ITIH5: variants seen among roughly 807,000 people sequenced by gnomAD.
ITIH5 encodes the protein inter-alpha-trypsin inhibitor heavy chain H5.
ITIH5 carries 65 observed loss-of-function variants against 77.5 expected under a neutral mutation model. That is an observed-to-expected ratio of 0.84 (90% CI 0.69 to 1.03). ITIH5 has a LOEUF of 1.03. ITIH5 is among the 50% of genes least tolerant of loss of function. The pLI is 0.00. For synonymous variants in ITIH5, 525 were observed against 494.3 expected, an observed-to-expected ratio of 1.06 and a Z score of -0.82; for missense variants, 1,208 against 1,213.1, an observed-to-expected ratio of 1.00 and a Z score of 0.06.
chr10:7,594,498 G>A (rs769368762), intron 7 of ITIH5, among the ~76,000 whole-genome samples: 24 of 152,166 alleles, frequency 1.6e-4, no homozygotes, highest in Non-Finnish European at 2.8e-4. Context: ...ATGACCACAG[G>A]GGGCTGTGGA....
chr10:7,585,916 T>A lies in ITIH5; in HGVS notation c.1093A>T (p.Met365Leu), dbSNP rs747039052. 6.2e-7 allele frequency: 1 copy of A among 1,611,548 alleles called. No individual in the cohort carries two copies. Among genetic ancestry groups the A allele is most frequent in the East Asian group, 2.2e-5 (1 of 44,758 alleles). The change falls in exon 8 of 14, where the codon ATG becomes TTG. Residue 365 changes from methionine to leucine, a missense_variant. Physicochemically the swap from Met to Leu is conservative, Grantham distance 15. Transcript: ENST00000397146. ...IRDGKVYIHH[M>L]SPTGGTDING... Reference sequence around the variant, plus strand: ...TCATCTTTACCTCCAGTGGGTGACATATGGTGAATGTACACTTTCCCATCC... The same window carrying A: ...TCATCTTTACCTCCAGTGGGTGACAAATGGTGAATGTACACTTTCCCATCC...
chr10:7,641,894 G>T (rs1420103649), intron 3 of ITIH5, 33 bp downstream of exon 3: 24 of 1,610,546 alleles, frequency 1.5e-5, no homozygotes, highest in Non-Finnish European at 2.0e-5. Flanking sequence ...ACCCTAGGCA[G>T]AAATCTTCAT....
intron 5 of ITIH5, chr10:7,618,764 G>A (rs1270408203): frequency 1.3e-5 from 2 of 152,174 alleles, no homozygotes. Context: ...GGCGTTAAGT[G>A]GCCACAGTAA....
chr10:7,644,379 A>G (rs867866899), intron 2 of ITIH5, among the ~76,000 whole-genome samples: 11 of 102,820 alleles, frequency 1.1e-4, no homozygotes, highest in Non-Finnish European at 4.2e-5. Flanking sequence ...CATATATATC[A>G]CATATATCAC....
chr10:7,621,869 T>A (rs1833479676), intron 5 of ITIH5: 1 of 151,808 alleles, frequency 6.6e-6, no homozygotes, highest in Admixed American at 6.6e-5. Flanking sequence ...GTCATCAGAG[T>A]CACAGGTTAA....
At chr10:7,651,321 C>T (rs554656937) in intron 2 of ITIH5, among the ~76,000 whole-genome samples, 2 of 152,256 alleles carry the variant, frequency 1.3e-5, no homozygotes, top group African/African-American at 2.4e-5. Flanking sequence ...CGGTGGCTCA[C>T]GCCTGTAATC....
chr10:7,657,081 G>A (rs1588432280), intron 1 of ITIH5, among the ~76,000 whole-genome samples: 1 of 116,724 alleles, frequency 8.6e-6, no homozygotes, highest in Non-Finnish European at 1.7e-5. Context: ...GTCTTGTTCT[G>A]TTGCCCAGGC....
intron 7 of ITIH5, among the ~76,000 whole-genome samples, chr10:7,601,548 A>T (rs183254428): frequency 1.1e-3 from 174 of 152,310 alleles, no homozygotes; most frequent in Non-Finnish European, 1.9e-3. Context: ...CACTCTCAGC[A>T]GCATCGACCT....
chr10:7,628,029 T>C (rs554250950), intron 5 of ITIH5, among the ~76,000 whole-genome samples: 25 of 151,966 alleles, frequency 1.6e-4, no homozygotes, highest in African/African-American at 5.1e-4. Context: ...TTAGTAGAGA[T>C]GGGGTTTCGC....
rs1480271638 is a variant in ITIH5, at chr10:7,641,376, T to A, written c.300-521A>T. Among the ~76,000 whole-genome samples, 3 of 152,066 alleles carry A rather than the reference T, an allele frequency of 2.0e-5. No homozygotes were observed. The East Asian group carries it at 5.8e-4, about 29-fold the overall frequency. ...TTGCCATCTTTATCATATTTGCAACTGTCTGAAATTCATCTCATTTATTCT... is the reference window on the plus strand; with the variant it reads ...TTGCCATCTTTATCATATTTGCAACAGTCTGAAATTCATCTCATTTATTCT... On this transcript the variant is annotated intron_variant, in intron 3 of 13. Coordinates refer to ENST00000397146, the MANE Select transcript of ITIH5 (RefSeq NM_030569.7).
intron 12 of ITIH5, among the ~76,000 whole-genome samples, chr10:7,567,085 T>C (rs1189802919): frequency 2.0e-5 from 3 of 151,756 alleles, no homozygotes; most frequent in Non-Finnish European, 4.4e-5. Context: ...CGTAAAGTTA[T>C]GTGCGGATTT....
chr10:7,576,730 C>G lies in ITIH5; in HGVS notation c.1701G>C (p.Glu567Asp). Residue 567 changes from glutamate to aspartate, a missense_variant, in exon 10 of 14, where the codon GAG becomes GAC. Coordinates refer to ENST00000397146, the MANE Select transcript of ITIH5 (RefSeq NM_030569.7). ...GACGCTCGATGTGGTTGGTGTCCCC[C>G]TCTCCATCGCCTCCAGGCCTGGGGC... ...TGSPRPGGDGEGDTNHIERLW... is the reference protein window; with the variant it reads ...TGSPRPGGDGDGDTNHIERLW... 1 of 1,614,048 alleles carries G rather than the reference C, an allele frequency of 6.2e-7. No individual in the cohort carries two copies. Among genetic ancestry groups the G allele is most frequent in the Non-Finnish European group, 8.5e-7 (1 of 1,179,986 alleles).
At chr10:7,569,183 AT>A (rs1172412728) in intron 12 of ITIH5, 5 of 151,500 alleles carry the variant, frequency 3.3e-5, no homozygotes, top group African/African-American at 9.7e-5. Context: ...TGCCGGGCTA[AT>A]TTTTTTGTAA....
intron 12 of ITIH5, among the ~76,000 whole-genome samples, chr10:7,566,740 AAGAAG>A (rs1450120764): frequency 0.015 from 736 of 49,606 alleles, 247 homozygotes; most frequent in South Asian, 0.052. Context: ...AAAAAAAAAA[AAGAAG>A]AAGAAGAAGA....
At chr10:7,657,390 G>A (rs564829521) in intron 1 of ITIH5, among the ~76,000 whole-genome samples, 1 of 152,010 alleles carries the variant, frequency 6.6e-6, no homozygotes, top group South Asian at 2.1e-4. Context: ...TTCCAAAGTG[G>A]CTGTAACATT....
At chr10:7,588,979 C>T (rs954307060) in intron 7 of ITIH5, among the ~76,000 whole-genome samples, 1 of 152,248 alleles carries the variant, frequency 6.6e-6, no homozygotes, top group African/African-American at 2.4e-5. Context: ...CCAACGGCAG[C>T]AGAATCTGCA....
intron 2 of ITIH5, 93 bp downstream of exon 2, chr10:7,655,538 T>C (rs752809126): frequency 2.8e-5 from 28 of 1,009,770 alleles, no homozygotes; most frequent in Non-Finnish European, 4.1e-5. Context: ...CTTTATATGT[T>C]TTGGAGGATC....
intron 5 of ITIH5, among the ~76,000 whole-genome samples, chr10:7,623,794 C>A (rs541426421): frequency 6.6e-4 from 80 of 121,392 alleles, no homozygotes; most frequent in African/African-American, 2.6e-3. Context: ...CAGAGTAAGA[C>A]TCCATCTCAA....
intron 5 of ITIH5, among the ~76,000 whole-genome samples, chr10:7,630,010 A>G (rs922330760): frequency 1.3e-5 from 2 of 152,224 alleles, no homozygotes; most frequent in African/African-American, 4.8e-5. Flanking sequence ...GTGATATTCT[A>G]TACATGTATA....
Sources: allele counts gnomAD v4.1 joint callset (sites outside exome capture counted in the v4.1 genomes callset), GRCh38; gene constraint gnomAD v4.1.1; transcripts MANE v1.5; gene names NCBI Gene and HGNC (gene_info 2026-07-23, HGNC 2026-07-21).